DLGAP5: variants seen among roughly 807,000 people sequenced by gnomAD.
The protein encoded by DLGAP5 is disks large-associated protein 5.
In DLGAP5, 90 loss-of-function variants were observed where a neutral mutation model predicts 99.6. The ratio of observed to expected loss-of-function variants is 0.90; its 90% confidence interval spans 0.76 to 1.08. DLGAP5 has a LOEUF of 1.08. Among genes scored for constraint, DLGAP5 ranks in the 50% least tolerant of loss-of-function variants. The probability of loss-of-function intolerance (pLI) is 0.00; values close to 1 mark genes in which losing one functional copy is unlikely to be tolerated. For synonymous variants in DLGAP5, 311 were observed against 321.3 expected (o/e 0.97, Z 0.34); for missense variants, 1,036 against 983.5 (o/e 1.05, Z -0.71).
chr14:55,174,394 A>AC (rs1387443014), intron 10 of DLGAP5, among the ~76,000 whole-genome samples: 1 of 152,166 alleles, frequency 6.6e-6, no homozygotes, highest in East Asian at 1.9e-4. Context: ...CCGTGATCTC[A>AC]CCCTGCCTCC....
At chr14:55,151,617 CT>C in intron 17 of DLGAP5, 77 bp downstream of exon 17, 1 of 1,415,814 alleles carries the variant, frequency 7.1e-7, no homozygotes, top group Non-Finnish European at 9.5e-7. Flanking sequence ...TAAAATGGAC[CT>C]TATAGGATAA....
chr14:55,177,392 A>C, intron 7 of DLGAP5, 56 bp from the exon 8 acceptor site: 1 of 1,482,448 alleles, frequency 6.7e-7, no homozygotes, highest in Non-Finnish European at 9.0e-7. Flanking sequence ...GGATATATTC[A>C]ACCAATTTTT....
At chr14:55,167,324 C>G (rs1238544968) in intron 12 of DLGAP5, among the ~76,000 whole-genome samples, 1 of 149,960 alleles carries the variant, frequency 6.7e-6, no homozygotes, top group Non-Finnish European at 1.5e-5. Context: ...AATAATGATA[C>G]AAAAATCACC....
intron 18 of DLGAP5, among the ~76,000 whole-genome samples, chr14:55,149,304 A>G (rs927065932): frequency 6.6e-6 from 1 of 152,338 alleles, no homozygotes. Context: ...AGTTGGCTTT[A>G]TGCTGAAAGC....
rs1250627537 is a variant in DLGAP5, at chr14:55,176,078, G to A, written c.1050-60C>T. The A allele has an allele frequency of 8.4e-6, 12 of 1,432,266 alleles. No homozygotes were observed. The African/African-American group carries it at 1.4e-4, about 17-fold the overall frequency. 88.7% of individuals were successfully genotyped at this position (1,432,266 alleles called of 1,614,324 possible). A position where few individuals can be genotyped will look rare whatever the true frequency, so the allele number is the denominator to read the frequency against. On this transcript the variant is annotated intron_variant, in intron 8 of 18. Transcript: ENST00000247191. ...ATGAACTCCATATATCTAATATAAA[G>A]GGTTTCAAAATTGTGTCACTTGTAG...
At chr14:55,186,106 A>C (rs1883428676) in intron 2 of DLGAP5, among the ~76,000 whole-genome samples, 1 of 152,124 alleles carries the variant, frequency 6.6e-6, no homozygotes, top group African/African-American at 2.4e-5. Flanking sequence ...CCCTGTCTCT[A>C]CTAAAAATAC....
intron 12 of DLGAP5, among the ~76,000 whole-genome samples, 170 bp downstream of exon 12, chr14:55,169,229 T>TC (rs1882761278): frequency 7.0e-6 from 1 of 143,078 alleles, no homozygotes; most frequent in Non-Finnish European, 1.5e-5. Flanking sequence ...GAAGAGGACA[T>TC]CAGTCATAAA....
At chr14:55,176,701 G>A (rs28573767) in intron 8 of DLGAP5, among the ~76,000 whole-genome samples, 3,871 of 152,062 alleles carry the variant, frequency 0.025, 153 homozygotes, top group African/African-American at 0.087. Context: ...ACATTTGGCC[G>A]GGCGCGGTGG....
intron 2 of DLGAP5, among the ~76,000 whole-genome samples, chr14:55,186,565 T>C (rs928580208): frequency 6.7e-6 from 1 of 150,374 alleles, no homozygotes; most frequent in African/African-American, 2.5e-5. Context: ...TCAGTTTTCC[T>C]ATTGAATGTC....
chr14:55,177,869 C>G (rs936581174), intron 7 of DLGAP5, among the ~76,000 whole-genome samples: 7 of 151,634 alleles, frequency 4.6e-5, no homozygotes, highest in African/African-American at 1.7e-4. Flanking sequence ...CTAACTAATA[C>G]CTTTTGGGTA....
At chr14:55,182,337 A>G (rs772803597) in intron 4 of DLGAP5, 33 bp downstream of exon 4, 1 of 1,564,364 alleles carries the variant, frequency 6.4e-7, no homozygotes, top group South Asian at 1.2e-5. Flanking sequence ...GCAATTTATC[A>G]TTTTAGTAAC....
At chr14:55,167,508 T>C (rs555648720) in intron 12 of DLGAP5, among the ~76,000 whole-genome samples, 7 of 152,322 alleles carry the variant, frequency 4.6e-5, no homozygotes, top group Non-Finnish European at 1.0e-4. Flanking sequence ...TTCTTTAGAC[T>C]TAATAATTGT....
rs776384030 is a variant in DLGAP5 at position 55,183,790 on chromosome 14, A to C, written c.239-37T>G. 4.8e-6 allele frequency: 7 copies of C among 1,459,380 alleles called. No homozygotes were observed. In the Admixed American group the frequency reaches 2.1e-4, roughly 43 times the overall value. The allele number at this position is 1,459,380 out of a possible 1,614,324, so 90.4% of individuals were successfully genotyped here. ...AAAAACCAAAACCACACAGTATATA[A>C]AACATTTCAGATGAAAAGTTATGCA... On this transcript the variant is annotated intron_variant, in intron 2 of 18. Transcript: ENST00000247191.
rs185554170 is a variant in DLGAP5, at chr14:55,166,315, T to A, written c.1548+3084A>T. Among the ~76,000 whole-genome samples the A allele has an allele frequency of 2.5e-4, 38 of 152,348 alleles. 4 individuals are homozygous for A. The East Asian group carries it at 3.5e-3, about 14-fold the overall frequency. On this transcript the variant is annotated intron_variant, in intron 12 of 18. Coordinates refer to ENST00000247191, the MANE Select transcript of DLGAP5 (RefSeq NM_014750.5). The stretch of plus-strand genomic sequence containing the variant: ...CCACCATAAGGTATGATTCTATTTA[T>A]ATGAAATATCCCAAAAAAAGGCAAA...
At chr14:55,158,817 T>A in intron 13 of DLGAP5, 76 bp from the exon 14 acceptor site, 3 of 1,026,844 alleles carry the variant, frequency 2.9e-6, no homozygotes, top group African/African-American at 1.6e-5. Flanking sequence ...CACAAATTCA[T>A]CACTTAAAAA....
intron 2 of DLGAP5, 105 bp from the exon 3 acceptor site, chr14:55,183,858 A>C (rs1883350553): frequency 2.4e-6 from 3 of 1,239,066 alleles, no homozygotes; most frequent in African/African-American, 1.6e-5. Flanking sequence ...ACTGCTGCTA[A>C]AAAATGCTTT....
At chr14:55,187,792 G>A (rs80264061) in intron 2 of DLGAP5, among the ~76,000 whole-genome samples, 8,821 of 152,158 alleles carry the variant, frequency 0.058, 322 homozygotes, top group South Asian at 0.09. Flanking sequence ...ACTCCAAAGC[G>A]ATCCTTTTAA....
intron 13 of DLGAP5, among the ~76,000 whole-genome samples, chr14:55,159,149 G>A (rs1882324121): frequency 6.6e-6 from 1 of 151,782 alleles, no homozygotes; most frequent in Non-Finnish European, 1.5e-5. Context: ...TCAGGCATCA[G>A]GAAAGGTTGT....
intron 8 of DLGAP5, 133 bp from the exon 9 acceptor site, chr14:55,176,151 T>C (rs1883054982): frequency 1.4e-6 from 1 of 718,866 alleles, no homozygotes; most frequent in Non-Finnish European, 2.1e-6. Context: ...ATGTGTATTC[T>C]GGAGGGGAGA....
Sources: gnomAD v4.1 joint callset for allele counts (sites outside exome capture counted in the v4.1 genomes callset) on GRCh38, gnomAD v4.1.1 for gene constraint, MANE v1.5 for transcripts, NCBI Gene and HGNC (gene_info 2026-07-23, HGNC 2026-07-21) for gene names.